SLC4A10: variants seen among roughly 807,000 people sequenced by gnomAD.
SLC4A10 encodes the protein sodium-driven chloride bicarbonate exchanger.
SLC4A10 carries 42 observed loss-of-function variants against 137.7 expected under a neutral mutation model. That is an observed-to-expected ratio of 0.30 (90% CI 0.24 to 0.39). The LOEUF is 0.39. Among genes scored for constraint, SLC4A10 ranks in the 10% least tolerant of loss-of-function variants. The pLI, the probability that SLC4A10 is intolerant of heterozygous loss-of-function variation, is 1.00. For synonymous variants in SLC4A10, 474 were observed against 464.1 expected, an observed-to-expected ratio of 1.02 and a Z score of -0.27; for missense variants, 925 against 1,355.0, an observed-to-expected ratio of 0.68 and a Z score of 4.98.
chr2:161,633,190 A>G (rs530529290), intron 1 of SLC4A10, among the ~76,000 whole-genome samples: 3 of 151,838 alleles, frequency 2.0e-5, no homozygotes, highest in African/African-American at 7.2e-5. Context: ...TTTTCAGTTT[A>G]CAGTGGGTTT....
intron 1 of SLC4A10, among the ~76,000 whole-genome samples, chr2:161,712,927 G>A (rs1164921760): frequency 6.6e-6 from 1 of 151,832 alleles, no homozygotes; most frequent in Non-Finnish European, 1.5e-5. Context: ...TACTGGGCAA[G>A]GATATAAAAG....
chr2:161,823,806 T>A (rs1271754507), intron 3 of SLC4A10, among the ~76,000 whole-genome samples: 1 of 152,212 alleles, frequency 6.6e-6, no homozygotes, highest in Non-Finnish European at 1.5e-5. Flanking sequence ...TGCCCAATTC[T>A]GGGGGGAAAA....
At position 161,804,501 on chromosome 2, in the gene SLC4A10, C is replaced by T; in HGVS notation, c.183C>T (p.Ser61=). ...GVHVPLGGRK[S]HRRHRHRGHK... is the part of the protein sequence containing the mutation. ...ATGTGCCCTTGGGAGGAAGAAAAAG[C>T]CATCGACGTCACAGGCATCGTGGTC... Residue 61 remains serine (S), a synonymous_variant, in exon 3 of 27, where the codon AGC becomes AGT. Coordinates refer to ENST00000446997, the MANE Select transcript of SLC4A10 (RefSeq NM_001178015.2). The T allele has an allele frequency of 6.2e-7, 1 of 1,612,846 alleles. No individual in the cohort carries two copies. Among genetic ancestry groups the T allele is most frequent in the Non-Finnish European group, 8.5e-7 (1 of 1,179,266 alleles).
chr2:161,905,535 C>A, intron 14 of SLC4A10, 107 bp from the exon 15 acceptor site: 1 of 1,432,682 alleles, frequency 7.0e-7, no homozygotes, highest in Non-Finnish European at 9.4e-7. Context: ...GGATGTGAAG[C>A]TTATTTACTT....
intron 18 of SLC4A10, among the ~76,000 whole-genome samples, chr2:161,950,115 A>G (rs1280263513): frequency 1.3e-5 from 2 of 151,926 alleles, no homozygotes; most frequent in Non-Finnish European, 2.9e-5. Flanking sequence ...TATCTTTTTT[A>G]TCATTTTCAC....
chr2:161,703,986 G>T (rs917542012), intron 1 of SLC4A10, among the ~76,000 whole-genome samples: 1 of 151,556 alleles, frequency 6.6e-6, no homozygotes, highest in East Asian at 1.9e-4. Flanking sequence ...TTATACATAC[G>T]TGGTGACCTA....
intron 3 of SLC4A10, among the ~76,000 whole-genome samples, chr2:161,831,529 A>C (rs10200835): frequency 0.1 from 15,648 of 152,042 alleles, 886 homozygotes; most frequent in East Asian, 0.17. Context: ...TATTCCTAAT[A>C]TTATATTTTT....
At chr2:161,763,663 G>A (rs1320406961) in intron 1 of SLC4A10, among the ~76,000 whole-genome samples, 1 of 152,114 alleles carries the variant, frequency 6.6e-6, no homozygotes, top group Non-Finnish European at 1.5e-5. Context: ...CCATACTATG[G>A]CCTAACAGGG....
At chr2:161,959,914 G>A (rs568261105) in intron 21 of SLC4A10, among the ~76,000 whole-genome samples, 2 of 152,308 alleles carry the variant, frequency 1.3e-5, no homozygotes, top group Admixed American at 1.3e-4. Flanking sequence ...TGGTTGAATA[G>A]TGAGTGTTTC....
chr2:161,652,643 T>G (rs972466456), intron 1 of SLC4A10, among the ~76,000 whole-genome samples: 5 of 152,204 alleles, frequency 3.3e-5, no homozygotes, highest in African/African-American at 1.2e-4. Flanking sequence ...AGTTTAAATG[T>G]AAAATACAGT....
chr2:161,761,958 A>T (rs1354133708), intron 1 of SLC4A10, among the ~76,000 whole-genome samples: 3 of 152,052 alleles, frequency 2.0e-5, no homozygotes, highest in Non-Finnish European at 4.4e-5. Context: ...ACATTAGAGG[A>T]TTTTACCCTC....
In SLC4A10 at chr2:161,922,814, A is replaced by G. The variant is rs183941949; in HGVS notation, c.1997+16927A>G. On this transcript the variant is annotated intron_variant, in intron 15 of 26. Coordinates refer to ENST00000446997, the MANE Select transcript of SLC4A10 (RefSeq NM_001178015.2). ...AATCATAAAAACACATTTGGCTTCTATGGATAGATCCTGATTTTCTGATTG... is the reference window on the plus strand; with the variant it reads ...AATCATAAAAACACATTTGGCTTCTGTGGATAGATCCTGATTTTCTGATTG... Among the ~76,000 whole-genome samples the G allele has an allele frequency of 4.6e-5, 7 of 152,334 alleles. No homozygotes were observed. In the East Asian group the frequency reaches 1.3e-3, roughly 29 times the overall value.
chr2:161,814,661 C>G (rs529028017), intron 3 of SLC4A10, among the ~76,000 whole-genome samples: 10 of 152,080 alleles, frequency 6.6e-5, no homozygotes, highest in Admixed American at 3.9e-4. Flanking sequence ...TGAATTAATG[C>G]AGGAACAGAA....
intron 18 of SLC4A10, among the ~76,000 whole-genome samples, chr2:161,949,883 A>G (rs1232433712): frequency 6.6e-6 from 1 of 151,806 alleles, no homozygotes; most frequent in Admixed American, 6.6e-5. Context: ...ACATGATGTG[A>G]GGTGTGAATT....
intron 23 of SLC4A10, among the ~76,000 whole-genome samples, chr2:161,970,605 G>T (rs777407842): frequency 1.3e-5 from 2 of 152,072 alleles, no homozygotes; most frequent in South Asian, 4.2e-4. Context: ...AAGCATATTC[G>T]TGAATATTGG....
At chr2:161,779,365 C>A (rs547953461) in intron 2 of SLC4A10, among the ~76,000 whole-genome samples, 1 of 151,898 alleles carries the variant, frequency 6.6e-6, no homozygotes, top group Admixed American at 6.6e-5. Flanking sequence ...TGGGACAAAC[C>A]ATATCCAAAC....
intron 1 of SLC4A10, among the ~76,000 whole-genome samples, chr2:161,692,873 G>A (rs2042134590): frequency 6.6e-6 from 1 of 151,712 alleles, no homozygotes; most frequent in African/African-American, 2.4e-5. Flanking sequence ...TGCTGTACTG[G>A]AGAGGAGTTA....
intron 20 of SLC4A10, 40 bp downstream of exon 20, chr2:161,957,280 C>G (rs779050110): frequency 3.8e-6 from 6 of 1,561,870 alleles, no homozygotes; most frequent in Non-Finnish European, 4.3e-6. Context: ...AGAAAGAATA[C>G]ATTTATCATC....
At chr2:161,798,056 CT>C (rs1201728345) in intron 2 of SLC4A10, among the ~76,000 whole-genome samples, 1 of 151,970 alleles carries the variant, frequency 6.6e-6, no homozygotes, top group East Asian at 1.9e-4. Flanking sequence ...AGTAATACCT[CT>C]TTGCTATAAA....
Sources: allele counts gnomAD v4.1 joint callset (sites outside exome capture counted in the v4.1 genomes callset), GRCh38; gene constraint gnomAD v4.1.1; transcripts MANE v1.5; gene names NCBI Gene and HGNC (gene_info 2026-07-23, HGNC 2026-07-21).